The following SPATA13 variants were observed in gnomAD, a reference collection of about 807,000 sequenced individuals.
SPATA13 encodes the protein spermatogenesis-associated protein 13.
A neutral mutation model predicts 104.0 loss-of-function variants in SPATA13; 50 were observed. That is an observed-to-expected ratio of 0.48 (90% CI 0.38 to 0.61). The LOEUF (loss-of-function observed/expected upper bound fraction) is 0.61, where lower values mean the gene tolerates loss of function less well. Among genes scored for constraint, SPATA13 ranks in the 20% least tolerant of loss-of-function variants. The pLI, the probability that SPATA13 is intolerant of heterozygous loss-of-function variation, is 0.00. For missense variants in SPATA13, 1,524 were observed against 1,690.6 expected, an observed-to-expected ratio of 0.90 and a Z score of 1.73; for synonymous variants, 606 against 667.5, an observed-to-expected ratio of 0.91 and a Z score of 1.42.
chr13:24,104,805 C>T (rs978094358), intron 3 of SPATA13, among the ~76,000 whole-genome samples: 3 of 152,160 alleles, frequency 2.0e-5, no homozygotes, highest in Non-Finnish European at 2.9e-5. Context: ...GGATAAAGTC[C>T]TAATTTTCTT....
chr13:23,996,042 G>C (rs1016300803), intron 2 of SPATA13, among the ~76,000 whole-genome samples: 3 of 152,212 alleles, frequency 2.0e-5, no homozygotes, highest in Non-Finnish European at 4.4e-5. Flanking sequence ...GAAGAGAACA[G>C]ACCCTAACAG....
At chr13:24,028,814 A>C (rs1021273149) in intron 3 of SPATA13, among the ~76,000 whole-genome samples, 5 of 152,104 alleles carry the variant, frequency 3.3e-5, no homozygotes, top group African/African-American at 1.2e-4. Context: ...TGAGTTTTTC[A>C]TTTCAATAAT....
At chr13:24,052,847 G>A (rs1209564992) in intron 3 of SPATA13, among the ~76,000 whole-genome samples, 2 of 13,640 alleles carry the variant, frequency 1.5e-4, no homozygotes, top group Non-Finnish European at 2.6e-4. Context: ...CCCCGCCACT[G>A]TGCCCTGCCC....
chr13:24,264,500 A>C (rs1219439117), intron 4 of SPATA13, among the ~76,000 whole-genome samples: 1 of 152,214 alleles, frequency 6.6e-6, no homozygotes, highest in Non-Finnish European at 1.5e-5. Context: ...CAAACTGAAA[A>C]ACACAGATTG....
At chr13:24,135,245 A>G (rs1013930435) in intron 3 of SPATA13, among the ~76,000 whole-genome samples, 1 of 152,192 alleles carries the variant, frequency 6.6e-6, no homozygotes, top group Non-Finnish European at 1.5e-5. Context: ...TTCTTCTCTC[A>G]TCTTTTCCTC....
In SPATA13 at chr13:24,144,400, A is replaced by C. The variant is rs7984796; in HGVS notation, c.-111-78419A>C. ...CCATGCCCAAGAGACAAGATGAGCG[A>C]ATGAAACTAACATCACTCAGCACCT... On this transcript the variant is annotated intron_variant, in intron 3 of 14. Transcript: ENST00000424834. Among the ~76,000 whole-genome samples the C allele has an allele frequency of 3.4e-3, 516 of 152,292 alleles. 5 individuals carry two copies. The highest frequency in any genetic ancestry group is 0.012 in the African/African-American group (486 of 41,550).
At chr13:23,980,730 T>C (rs1176423294) in intron 1 of SPATA13, among the ~76,000 whole-genome samples, 3 of 152,112 alleles carry the variant, frequency 2.0e-5, no homozygotes, top group Admixed American at 2.0e-4. Flanking sequence ...TAGCTGGGAT[T>C]ACAGGCGGCC....
chr13:24,084,741 G>T (rs982860530), intron 3 of SPATA13, among the ~76,000 whole-genome samples: 1 of 152,126 alleles, frequency 6.6e-6, no homozygotes, highest in Non-Finnish European at 1.5e-5. Flanking sequence ...ATGAAGTGGC[G>T]CAGTGCAGTG....
chr13:24,185,822 G>C (rs1324851511), intron 1 of SPATA13, among the ~76,000 whole-genome samples: 2 of 151,420 alleles, frequency 1.3e-5, no homozygotes, highest in African/African-American at 2.4e-5. Flanking sequence ...AAGAGACAGA[G>C]AGAGAGAGAG....
At chr13:24,198,951 C>CTTTTTTTT (rs3067263) in intron 1 of SPATA13, among the ~76,000 whole-genome samples, 11 of 140,334 alleles carry the variant, frequency 7.8e-5, no homozygotes, top group African/African-American at 2.7e-4. Flanking sequence ...ACTATAAAAT[C>CTTTTTTTT]TTTTTTTTTT....
intron 3 of SPATA13, among the ~76,000 whole-genome samples, chr13:24,065,068 A>G (rs1449454834): frequency 6.6e-6 from 1 of 152,206 alleles, no homozygotes; most frequent in Non-Finnish European, 1.5e-5. Flanking sequence ...GTAACTTTAC[A>G]ACATTTATAG....
intron 3 of SPATA13, among the ~76,000 whole-genome samples, chr13:24,081,309 C>T (rs1255641532): frequency 6.6e-6 from 1 of 152,116 alleles, no homozygotes; most frequent in East Asian, 1.9e-4. Context: ...CTATATGAGG[C>T]CCTTCTCTTA....
Position 24,265,426 on chromosome 13 carries a change from CGAT to C in SPATA13, c.2164+13568_2164+13570del, listed in dbSNP as rs146897132. 3.8e-3 allele frequency among the ~76,000 whole-genome samples: 579 copies of C among 152,220 alleles called. 2 individuals are homozygous for C. The highest frequency in any genetic ancestry group is 0.013 in the African/African-American group (553 of 41,518). ...GAATGAAGAGGTCACTCTCGGCACT[CGAT>C]GATTTAGGGGAATGGACATTGGCCT... is the stretch of plus-strand genomic sequence containing the variant. On this transcript the variant is annotated intron_variant, in intron 4 of 12. Transcript: ENST00000382108.
intron 3 of SPATA13, among the ~76,000 whole-genome samples, chr13:24,117,166 G>T (rs1180557135): frequency 1.3e-5 from 2 of 152,140 alleles, no homozygotes; most frequent in African/African-American, 4.8e-5. Context: ...CAAGAGATTT[G>T]CTGCTCTATA....
intron 3 of SPATA13, among the ~76,000 whole-genome samples, chr13:24,021,833 T>C (rs1876985159): frequency 6.6e-6 from 1 of 151,716 alleles, no homozygotes; most frequent in Non-Finnish European, 1.5e-5. Context: ...TGCCTCAGCC[T>C]CCCGAGTAGC....
intron 3 of SPATA13, among the ~76,000 whole-genome samples, chr13:24,107,435 T>C (rs753197471): frequency 6.6e-6 from 1 of 151,960 alleles, no homozygotes; most frequent in Non-Finnish European, 1.5e-5. Context: ...TAAAAAGAAA[T>C]ACCCAAGGCC....
chr13:24,063,481 A>G (rs1029625409), intron 3 of SPATA13, among the ~76,000 whole-genome samples: 1 of 151,858 alleles, frequency 6.6e-6, no homozygotes, highest in African/African-American at 2.4e-5. Context: ...CCCCTGGCCC[A>G]CATCCCTCGG....
chr13:24,222,681 G>T, intron 1 of SPATA13, 138 bp from the exon 2 acceptor site: 1 of 669,476 alleles, frequency 1.5e-6, no homozygotes, highest in South Asian at 2.2e-5. Context: ...GTGAATGGAG[G>T]GGAAATGTAC....
intron 2 of SPATA13, among the ~76,000 whole-genome samples, chr13:24,007,715 A>G (rs1020092059): frequency 2.0e-5 from 3 of 152,176 alleles, no homozygotes; most frequent in Non-Finnish European, 4.4e-5. Context: ...TGATCCATCC[A>G]TCTTGGCCTC....
Sources: gnomAD v4.1 joint callset for allele counts (sites outside exome capture counted in the v4.1 genomes callset) on GRCh38, gnomAD v4.1.1 for gene constraint, MANE v1.5 for transcripts, NCBI Gene and HGNC (gene_info 2026-07-23, HGNC 2026-07-21) for gene names.